CAMK1D: variants seen among roughly 807,000 people sequenced by gnomAD.
CAMK1D encodes calcium/calmodulin dependent protein kinase ID, also known as calcium/calmodulin-dependent protein kinase type 1D.
Under a neutral mutation model 47.7 loss-of-function variants are expected in CAMK1D, and 9 were observed. The ratio of observed to expected loss-of-function variants is 0.19; its 90% confidence interval spans 0.11 to 0.33. The LOEUF is 0.33. Among genes scored for constraint, CAMK1D ranks in the 10% least tolerant of loss-of-function variants. The pLI, the probability that CAMK1D is intolerant of heterozygous loss-of-function variation, is 1.00. For missense variants in CAMK1D, 291 were observed against 488.7 expected, an observed-to-expected ratio of 0.60 and a Z score of 3.81; for synonymous variants, 184 against 184.9, an observed-to-expected ratio of 0.99 and a Z score of 0.04.
chr10:12,780,286 C>T (rs534032986), intron 5 of CAMK1D, among the ~76,000 whole-genome samples: 1 of 152,096 alleles, frequency 6.6e-6, no homozygotes, highest in Non-Finnish European at 1.5e-5. Context: ...TGAATGTAAG[C>T]GTCCTCCTCT....
chr10:12,376,641 A>G (rs908495305), intron 1 of CAMK1D, among the ~76,000 whole-genome samples: 1 of 152,138 alleles, frequency 6.6e-6, no homozygotes, highest in Admixed American at 6.5e-5. Flanking sequence ...ACTGGAAATC[A>G]TATTAGGCTC....
chr10:12,599,800 T>C (rs939935735), intron 2 of CAMK1D, among the ~76,000 whole-genome samples: 1 of 152,222 alleles, frequency 6.6e-6, no homozygotes, highest in Non-Finnish European at 1.5e-5. Context: ...CATTGCCAGC[T>C]TCTGGGGATG....
intron 3 of CAMK1D, among the ~76,000 whole-genome samples, chr10:12,670,300 C>T (rs902971722): frequency 3.3e-5 from 5 of 151,712 alleles, no homozygotes; most frequent in East Asian, 3.9e-4. Context: ...TTTTATGCCC[C>T]GATTGGCCAC....
intron 2 of CAMK1D, among the ~76,000 whole-genome samples, chr10:12,621,291 A>G (rs1400647759): frequency 6.6e-6 from 1 of 152,212 alleles, no homozygotes; most frequent in Non-Finnish European, 1.5e-5. Context: ...ACATTTTAGA[A>G]TAATCTCACT....
chr10:12,672,334 A>C (rs1293406788), intron 3 of CAMK1D, among the ~76,000 whole-genome samples: 1 of 151,916 alleles, frequency 6.6e-6, no homozygotes, highest in Non-Finnish European at 1.5e-5. Flanking sequence ...TACCTATGCA[A>C]ATAATGTTTT....
intron 2 of CAMK1D, among the ~76,000 whole-genome samples, chr10:12,580,025 C>T (rs1837614166): frequency 6.6e-6 from 1 of 152,172 alleles, no homozygotes; most frequent in Non-Finnish European, 1.5e-5. Flanking sequence ...TTCCCTTGGC[C>T]TCCACTGGGG....
At chr10:12,593,820 G>T (rs1257817979) in intron 2 of CAMK1D, among the ~76,000 whole-genome samples, 1 of 152,136 alleles carries the variant, frequency 6.6e-6, no homozygotes, top group Non-Finnish European at 1.5e-5. Context: ...CACTCAACTT[G>T]TAATGTCTGC....
chr10:12,686,817 A>G (rs1172559569), intron 3 of CAMK1D, among the ~76,000 whole-genome samples: 1 of 152,186 alleles, frequency 6.6e-6, no homozygotes, highest in African/African-American at 2.4e-5. Context: ...ACCATATTAA[A>G]AAAGATTAAA....
chr10:12,418,150 A>G (rs746056044), intron 1 of CAMK1D, among the ~76,000 whole-genome samples: 3 of 152,240 alleles, frequency 2.0e-5, no homozygotes, highest in Non-Finnish European at 4.4e-5. Flanking sequence ...TGCAGTAAGC[A>G]AGAATGAATA....
chr10:12,689,994 G>A (rs1300494386), intron 3 of CAMK1D, among the ~76,000 whole-genome samples: 3 of 152,114 alleles, frequency 2.0e-5, no homozygotes, highest in East Asian at 3.9e-4. Flanking sequence ...AGAGATTGTC[G>A]GTGCTGGCAA....
intron 3 of CAMK1D, among the ~76,000 whole-genome samples, chr10:12,727,190 T>G (rs892120215): frequency 5.3e-5 from 8 of 152,222 alleles, no homozygotes; most frequent in Non-Finnish European, 1.0e-4. Flanking sequence ...TGAGCCTCGT[T>G]TTGATGATGC....
intron 3 of CAMK1D, among the ~76,000 whole-genome samples, chr10:12,739,506 G>A (rs1222470164): frequency 1.3e-5 from 2 of 149,570 alleles, no homozygotes; most frequent in Non-Finnish European, 3.0e-5. Context: ...GGCCAGGCTG[G>A]TCTCGAACTC....
intron 1 of CAMK1D, among the ~76,000 whole-genome samples, chr10:12,508,503 G>A (rs1834945192): frequency 6.6e-6 from 1 of 152,176 alleles, no homozygotes; most frequent in Non-Finnish European, 1.5e-5. Context: ...AAGGGAAATG[G>A]GGACTTCTTG....
rs1173097000 is a variant in CAMK1D, at chr10:12,397,283, C to G, written c.92+47373C>G. On this transcript the variant is annotated intron_variant, in intron 1 of 10. Transcript: ENST00000619168. ...GTCTCCTGCAGGTGTTCTGTTCTTT[C>G]AAGCGCCCTAGGATGGCCATGACCT... is the stretch of plus-strand genomic sequence containing the variant. 2.0e-5 allele frequency among the ~76,000 whole-genome samples: 3 copies of G among 152,232 alleles called. No homozygotes were observed. In the East Asian group the frequency reaches 5.8e-4, roughly 29 times the overall value.
Position 12,829,570 on chromosome 10 carries a change from A to G in CAMK1D, c.*683A>G, listed in dbSNP as rs1833382068. On this transcript the variant is annotated 3_prime_UTR_variant, in exon 11 of 11. Transcript: ENST00000619168. ...AACATGGTGAAACCCCACGTCTACTAAAAATACAAAAAATTAGCCGGGCGT... is the reference window on the plus strand; with the variant it reads ...AACATGGTGAAACCCCACGTCTACTGAAAATACAAAAAATTAGCCGGGCGT... The G allele has an allele frequency of 6.6e-6, 1 of 152,082 alleles. No individual in the cohort carries two copies. Among genetic ancestry groups the G allele is most frequent in the African/African-American group, 2.4e-5 (1 of 41,402 alleles). 9.4% of individuals were successfully genotyped at this position (152,082 alleles called of 1,614,324 possible).
At chr10:12,455,866 C>G (rs186728652) in intron 1 of CAMK1D, among the ~76,000 whole-genome samples, 3 of 152,234 alleles carry the variant, frequency 2.0e-5, no homozygotes, top group African/African-American at 7.2e-5. Context: ...TATACAAAAC[C>G]ATATTAAACA....
At chr10:12,729,269 G>C (rs1463643771) in intron 3 of CAMK1D, among the ~76,000 whole-genome samples, 1 of 152,202 alleles carries the variant, frequency 6.6e-6, no homozygotes, top group East Asian at 1.9e-4. Flanking sequence ...GGAGCAGGGA[G>C]AGGTAGTACC....
At chr10:12,374,201 A>G (rs1838097388) in intron 1 of CAMK1D, among the ~76,000 whole-genome samples, 1 of 141,312 alleles carries the variant, frequency 7.1e-6, no homozygotes, top group Non-Finnish European at 1.5e-5. Context: ...CGGAAGTTGC[A>G]GTGAGCCAAG....
intron 1 of CAMK1D, among the ~76,000 whole-genome samples, chr10:12,434,292 A>G (rs1382408128): frequency 2.0e-5 from 3 of 152,188 alleles, no homozygotes; most frequent in Admixed American, 6.5e-5. Context: ...AGTCAGACAC[A>G]CCCCTGACTT....
Sources: allele counts gnomAD v4.1 joint callset (sites outside exome capture counted in the v4.1 genomes callset), GRCh38; gene constraint gnomAD v4.1.1; transcripts MANE v1.5; gene names NCBI Gene and HGNC (gene_info 2026-07-23, HGNC 2026-07-21).